PIP4K2A: variants seen among roughly 807,000 people sequenced by gnomAD.
PIP4K2A encodes the protein phosphatidylinositol-5-phosphate 4-kinase type 2 alpha, also known as phosphatidylinositol 5-phosphate 4-kinase type-2 alpha.
A neutral mutation model predicts 42.9 loss-of-function variants in PIP4K2A; 14 were observed. The ratio of observed to expected loss-of-function variants is 0.33; its 90% CI spans 0.22 to 0.51. The LOEUF (loss-of-function observed/expected upper bound fraction) is 0.51, where lower values mean the gene tolerates loss of function less well. PIP4K2A is among the 20% of genes least tolerant of loss of function. The pLI is 0.97. For missense variants in PIP4K2A, 434 were observed against 519.8 expected (o/e 0.83, Z 1.61); for synonymous variants, 192 against 192.2 (o/e 1.00, Z 0.01).
intron 1 of PIP4K2A, among the ~76,000 whole-genome samples, chr10:22,623,442 T>C (rs938136583): frequency 3.3e-4 from 50 of 152,180 alleles, no homozygotes; most frequent in African/African-American, 1.2e-3. Context: ...AAGGGCGGTG[T>C]GCTCCTCGGG....
At chr10:22,568,852 G>A (rs1304350644) in intron 5 of PIP4K2A, among the ~76,000 whole-genome samples, 1 of 152,166 alleles carries the variant, frequency 6.6e-6, no homozygotes, top group Admixed American at 6.5e-5. Context: ...TAAATGGCTG[G>A]AGAAGAATCA....
Position 22,537,092 on chromosome 10 carries a change from T to C in PIP4K2A, c.*109A>G. 2.6e-6 allele frequency: 2 copies of C among 782,376 alleles called. No homozygotes were observed. Among genetic ancestry groups the C allele is most frequent in the Non-Finnish European group, 4.2e-6 (2 of 473,562 alleles). The allele number at this position is 782,376 out of a possible 1,614,324, so 48.5% of individuals were successfully genotyped here. A position where few individuals can be genotyped will look rare whatever the true frequency, so the allele number is the denominator to read the frequency against. On this transcript the variant is annotated 3_prime_UTR_variant, in exon 10 of 10. Coordinates refer to ENST00000376573, the MANE Select transcript of PIP4K2A (RefSeq NM_005028.5). The stretch of plus-strand genomic sequence containing the variant: ...TGGCCTGAAGATGTAAACAAGGAGG[T>C]TTGCTTCCTGCAAGATGAGTACTTC...
At chr10:22,575,018 G>A (rs1436511566) in intron 4 of PIP4K2A, among the ~76,000 whole-genome samples, 1 of 152,038 alleles carries the variant, frequency 6.6e-6, no homozygotes, top group Non-Finnish European at 1.5e-5. Context: ...GTGTCCTGGC[G>A]CCTCCATTTA....
At chr10:22,584,749 C>T (rs1837354751) in intron 4 of PIP4K2A, among the ~76,000 whole-genome samples, 1 of 152,186 alleles carries the variant, frequency 6.6e-6, no homozygotes, top group African/African-American at 2.4e-5. Flanking sequence ...GACGTGTCCG[C>T]AGTTTACAAT....
At chr10:22,565,233 C>T (rs1836817614) in intron 6 of PIP4K2A, among the ~76,000 whole-genome samples, 1 of 152,170 alleles carries the variant, frequency 6.6e-6, no homozygotes, top group South Asian at 2.1e-4. Flanking sequence ...CAGCTGAGAG[C>T]CACTGTGCAG....
chr10:22,604,681 C>T (rs546321292), intron 3 of PIP4K2A, among the ~76,000 whole-genome samples: 5 of 152,066 alleles, frequency 3.3e-5, no homozygotes, highest in Admixed American at 6.6e-5. Context: ...GGTTTTTTTC[C>T]GATATACGCA....
chr10:22,581,565 TAAAA>T (rs531477426), intron 4 of PIP4K2A, among the ~76,000 whole-genome samples: 1,341 of 78,634 alleles, frequency 0.017, 19 homozygotes, highest in Middle Eastern at 0.085. Flanking sequence ...ATCCTATCTC[TAAAA>T]AAAAAAAAAA....
chr10:22,659,049 T>A (rs1442228339), intron 1 of PIP4K2A, among the ~76,000 whole-genome samples: 5 of 152,106 alleles, frequency 3.3e-5, no homozygotes, highest in African/African-American at 1.2e-4. Flanking sequence ...GGCTCCGAGG[T>A]TGGGACTAGT....
Position 22,557,821 on chromosome 10 carries a change from C to T in PIP4K2A, c.679-7049G>A, listed in dbSNP as rs372347832. Among the ~76,000 whole-genome samples, 5 of 152,142 alleles carry T rather than the reference C, an allele frequency of 3.3e-5. No individual in the cohort carries two copies. In the South Asian group the frequency reaches 8.3e-4, roughly 25 times the overall value. On this transcript the variant is annotated intron_variant, in intron 6 of 9. Transcript: ENST00000376573. The stretch of plus-strand genomic sequence containing the variant: ...TAACTGGAAATAGAAAATACATGAA[C>T]CTAAAATGCACAGAGCCAAAATCTT...
intron 1 of PIP4K2A, among the ~76,000 whole-genome samples, chr10:22,626,201 A>C (rs1241706064): frequency 6.6e-6 from 1 of 152,168 alleles, no homozygotes; most frequent in African/African-American, 2.4e-5. Flanking sequence ...TTGATATCTA[A>C]ATCCCAATCT....
chr10:22,601,153 AAAAAAAAAAAC>A (rs1228634870), intron 3 of PIP4K2A, among the ~76,000 whole-genome samples: 39 of 134,162 alleles, frequency 2.9e-4, no homozygotes, highest in Non-Finnish European at 4.8e-4. Flanking sequence ...AAAAAAAAAA[AAAAAAAAAAAC>A]AAACCAGGAA....
chr10:22,698,154 C>G (rs1422410006), intron 1 of PIP4K2A, among the ~76,000 whole-genome samples: 1 of 152,192 alleles, frequency 6.6e-6, no homozygotes, highest in Non-Finnish European at 1.5e-5. Context: ...TGGAAGCCAT[C>G]TTCCAACCTC....
chr10:22,612,192 T>G (rs1838059753), intron 1 of PIP4K2A, among the ~76,000 whole-genome samples: 1 of 152,244 alleles, frequency 6.6e-6, no homozygotes, highest in African/African-American at 2.4e-5. Flanking sequence ...CACTCTGTGC[T>G]GGGCACAGCT....
At chr10:22,543,208 C>T (rs914213579) in intron 7 of PIP4K2A, among the ~76,000 whole-genome samples, 5 of 152,264 alleles carry the variant, frequency 3.3e-5, no homozygotes, top group East Asian at 1.9e-4. Flanking sequence ...TCCTTACAGA[C>T]GAGGAGAGGA....
rs958463625 is a variant in PIP4K2A, at chr10:22,540,225, A to G, written c.1037-151T>C. On this transcript the variant is annotated intron_variant, in intron 8 of 9. Coordinates refer to ENST00000376573, the MANE Select transcript of PIP4K2A (RefSeq NM_005028.5). ...GGAGTCCAGAGACAAACTCTACACC[A>G]CCCCTGCGGATCCTGACTAAACACA... is the stretch of plus-strand genomic sequence containing the variant. 1.6e-5 allele frequency: 10 copies of G among 619,720 alleles called. No homozygotes were observed. In the African/African-American group the frequency reaches 1.8e-4, roughly 11 times the overall value. The allele number at this position is 619,720 out of a possible 1,614,324, so 38.4% of individuals were successfully genotyped here.
chr10:22,578,078 CA>C (rs1377087556), intron 4 of PIP4K2A, among the ~76,000 whole-genome samples: 1 of 152,100 alleles, frequency 6.6e-6, no homozygotes, highest in Non-Finnish European at 1.5e-5. Context: ...AACATTTCTG[CA>C]AAAATAAAAT....
chr10:22,664,171 A>ATACACG (rs1564460229), intron 1 of PIP4K2A, among the ~76,000 whole-genome samples: 6 of 60,198 alleles, frequency 1.0e-4, no homozygotes, highest in African/African-American at 6.7e-4. Context: ...ATATATACAT[A>ATACACG]TATATATATA....
intron 1 of PIP4K2A, among the ~76,000 whole-genome samples, chr10:22,627,510 T>C (rs972679761): frequency 1.4e-5 from 2 of 147,290 alleles, no homozygotes; most frequent in African/African-American, 2.5e-5. Flanking sequence ...CTCTAATACA[T>C]TGCCTTTCCC....
chr10:22,537,585 A>G (rs1454414726), intron 9 of PIP4K2A, among the ~76,000 whole-genome samples: 1 of 152,242 alleles, frequency 6.6e-6, no homozygotes, highest in African/African-American at 2.4e-5. Flanking sequence ...TTGGGATGTT[A>G]CTATCAAAGA....
Sources: allele counts gnomAD v4.1 joint callset (sites outside exome capture counted in the v4.1 genomes callset), GRCh38; gene constraint gnomAD v4.1.1; transcripts MANE v1.5; gene names NCBI Gene and HGNC (gene_info 2026-07-23, HGNC 2026-07-21).